PPP1R12B: variants seen among roughly 807,000 people sequenced by gnomAD.
PPP1R12B encodes protein phosphatase 1 regulatory subunit 12B.
A neutral mutation model predicts 126.1 loss-of-function variants in PPP1R12B; 76 were observed. The ratio of observed to expected loss-of-function variants is 0.60; its 90% CI spans 0.50 to 0.73. The LOEUF is 0.73. Ranked by LOEUF, PPP1R12B falls within the 30% of genes least tolerant of loss-of-function variation. PPP1R12B has a pLI of 0.00. For missense variants in PPP1R12B, 1,052 were observed against 1,205.1 expected (o/e 0.87, Z 1.88); for synonymous variants, 356 against 434.7 (o/e 0.82, Z 2.25).
intron 18 of PPP1R12B, among the ~76,000 whole-genome samples, chr1:202,523,528 A>G (rs1682996799): frequency 6.6e-6 from 1 of 152,314 alleles, no homozygotes; most frequent in Admixed American, 6.5e-5. Context: ...CAAAGGCCAT[A>G]TGGTGGGAAA....
chr1:202,365,945 G>A (rs1439273868), intron 1 of PPP1R12B, among the ~76,000 whole-genome samples: 3 of 151,980 alleles, frequency 2.0e-5, no homozygotes, highest in African/African-American at 4.8e-5. Context: ...AACTATGATT[G>A]CACCGCTGCA....
chr1:202,544,712 A>T (rs1685477224), intron 18 of PPP1R12B, among the ~76,000 whole-genome samples: 1 of 152,226 alleles, frequency 6.6e-6, no homozygotes, highest in African/African-American at 2.4e-5. Context: ...ATGTCAATTT[A>T]AAAAAATGAC....
chr1:202,414,084 C>T (rs565652080), intron 1 of PPP1R12B, among the ~76,000 whole-genome samples: 1 of 152,014 alleles, frequency 6.6e-6, no homozygotes, highest in Non-Finnish European at 1.5e-5. Flanking sequence ...ACCATACCTG[C>T]CTAGTTTTTG....
intron 8 of PPP1R12B, among the ~76,000 whole-genome samples, chr1:202,432,327 G>C (rs562856233): frequency 4.4e-4 from 66 of 151,670 alleles, no homozygotes; most frequent in African/African-American, 1.4e-3. Flanking sequence ...GGAGTGCAGT[G>C]GTGTGATCTC....
In PPP1R12B at chr1:202,348,972, G is replaced by C. The variant is rs1397603731; in HGVS notation, c.121G>C (p.Ala41Pro). 4 of 1,601,946 alleles carry C rather than the reference G, an allele frequency of 2.5e-6. No homozygotes were observed. The highest frequency in any genetic ancestry group is 1.1e-5 in the South Asian group (1 of 89,672). ...GCAGGAGCCTGCGGAGCGACGAGGC[G>C]CGGGGCGGCAGCCGCTGACCAGGCG... is the stretch of plus-strand genomic sequence containing the variant. The part of the protein sequence containing the change: ...TEQEPAERRG[A>P]GRQPLTRRGS... The change falls in exon 1 of 24, where the codon GCG becomes CCG. Residue 41 changes from alanine (A) to proline (P), a missense_variant. Coordinates refer to ENST00000608999, the MANE Select transcript of PPP1R12B (RefSeq NM_002481.4).
intron 1 of PPP1R12B, among the ~76,000 whole-genome samples, chr1:202,377,963 C>T (rs563161936): frequency 4.0e-4 from 60 of 150,552 alleles, no homozygotes; most frequent in African/African-American, 1.4e-3. Context: ...CTCAGCCTCC[C>T]GAGTAGCTGG....
intron 18 of PPP1R12B, among the ~76,000 whole-genome samples, chr1:202,544,508 A>T (rs566413414): frequency 1.3e-5 from 2 of 152,224 alleles, no homozygotes; most frequent in Non-Finnish European, 2.9e-5. Flanking sequence ...TCCAAATTGT[A>T]GTGCTTATCT....
chr1:202,559,420 GT>G (rs1488047725), intron 19 of PPP1R12B, among the ~76,000 whole-genome samples: 1 of 152,172 alleles, frequency 6.6e-6, no homozygotes, highest in African/African-American at 2.4e-5. Context: ...CTCCTTAGTA[GT>G]TTGTTGAATG....
rs1290788219 is a variant in PPP1R12B at position 202,446,236 on chromosome 1, C to CTA, written c.1668-2733_1668-2732dup. 2.3e-3 allele frequency among the ~76,000 whole-genome samples: 203 copies of CTA among 88,008 alleles called. 2 individuals are homozygous for CTA. Among genetic ancestry groups the CTA allele is most frequent in the East Asian group, 5.0e-3 (12 of 2,392 alleles). The allele number at this position is 88,008 out of a possible 152,430, so 57.7% of individuals were successfully genotyped here. A position where few individuals can be genotyped will look rare whatever the true frequency, so the allele number is the denominator to read the frequency against. Reference sequence around the variant, plus strand: ...TTACTCTCTCTCTCTCTCTCTCTCTCTATATATATATATATATATATTTTT... The same window carrying CTA: ...TTACTCTCTCTCTCTCTCTCTCTCTCTATATATATATATATATATATATTTTT... On this transcript the variant is annotated intron_variant, in intron 12 of 23. Coordinates refer to ENST00000608999, the MANE Select transcript of PPP1R12B (RefSeq NM_002481.4).
chr1:202,506,377 A>G lies in PPP1R12B; in HGVS notation c.2490+9555A>G, dbSNP rs183144243. 7.7e-4 allele frequency among the ~76,000 whole-genome samples: 118 copies of G among 152,316 alleles called. 1 individual carries two copies. Among genetic ancestry groups the G allele is most frequent in the African/African-American group, 2.6e-3 (107 of 41,574 alleles). On this transcript the variant is annotated intron_variant, in intron 18 of 23. Coordinates refer to ENST00000608999, the MANE Select transcript of PPP1R12B (RefSeq NM_002481.4). ...TTGGCATCTTCCTTTTATGGACTCT[A>G]TTAATTTTAGGTCGTGCTGTTGCCC...
At chr1:202,569,344 C>G (rs147269496) in intron 23 of PPP1R12B, 147 bp downstream of exon 23, 85 of 805,172 alleles carry the variant, frequency 1.1e-4, no homozygotes, top group South Asian at 1.0e-3. Flanking sequence ...GTGAGCATCT[C>G]TCCTCAGCCA....
Position 202,518,884 on chromosome 1 carries a change from C to T in PPP1R12B, c.2490+22062C>T, listed in dbSNP as rs192793223. ...TTTTGACTGATTGGCTATTTCAGCTCTGGTGGAAGTATGCAATAGTGGATA... is the reference window on the plus strand; with the variant it reads ...TTTTGACTGATTGGCTATTTCAGCTTTGGTGGAAGTATGCAATAGTGGATA... On this transcript the variant is annotated intron_variant, in intron 18 of 23. Coordinates refer to ENST00000608999, the MANE Select transcript of PPP1R12B (RefSeq NM_002481.4). 9.4e-4 allele frequency among the ~76,000 whole-genome samples: 143 copies of T among 152,264 alleles called. 3 individuals are homozygous for T. The highest frequency in any genetic ancestry group is 7.4e-5 in the Non-Finnish European group (5 of 68,024).
At chr1:202,504,073 G>T (rs1680539779) in intron 18 of PPP1R12B, among the ~76,000 whole-genome samples, 1 of 151,960 alleles carries the variant, frequency 6.6e-6, no homozygotes, top group Non-Finnish European at 1.5e-5. Flanking sequence ...TTACATCTTT[G>T]AATAAATGTC....
At chr1:202,550,062 C>T (rs555877429) in intron 18 of PPP1R12B, among the ~76,000 whole-genome samples, 3 of 152,100 alleles carry the variant, frequency 2.0e-5, no homozygotes, top group Non-Finnish European at 4.4e-5. Context: ...ATATTGGTCA[C>T]TCCAAAATAT....
chr1:202,583,976 T>G lies in PPP1R12B; in HGVS notation c.*3416T>G, dbSNP rs1460586501. ...AGTAATGATTTGGCCATTCCAGAGA[T>G]TCTGGGGCTAAAGTTTGTTTTTCCA... On this transcript the variant is annotated 3_prime_UTR_variant, in exon 24 of 24. Coordinates refer to ENST00000608999, the MANE Select transcript of PPP1R12B (RefSeq NM_002481.4). The G allele has an allele frequency of 1.3e-5, 2 of 152,216 alleles. No homozygotes were observed. The highest frequency in any genetic ancestry group is 4.8e-5 in the African/African-American group (2 of 41,458). 9.4% of individuals were successfully genotyped at this position (152,216 alleles called of 1,614,324 possible). A position where few individuals can be genotyped will look rare whatever the true frequency, so the allele number is the denominator to read the frequency against.
rs956784267 is a variant in PPP1R12B at position 202,585,798 on chromosome 1, G to T, written c.*5238G>T. 4 of 152,204 alleles carry T rather than the reference G, an allele frequency of 2.6e-5. No individual in the cohort carries two copies. Among genetic ancestry groups the T allele is most frequent in the African/African-American group, 9.7e-5 (4 of 41,440 alleles). The allele number at this position is 152,204 out of a possible 1,614,324, so 9.4% of individuals were successfully genotyped here. A position where few individuals can be genotyped will look rare whatever the true frequency, so the allele number is the denominator to read the frequency against. On this transcript the variant is annotated 3_prime_UTR_variant, in exon 24 of 24. Transcript: ENST00000608999. ...AAGAATATTAAAGCCTGCAGAGGTG[G>T]AAATTGGAGCTCATGGAGAAATGGA...
intron 13 of PPP1R12B, chr1:202,471,749 TTTG>T (rs1675930096): frequency 3.0e-6 from 2 of 661,282 alleles, no homozygotes; most frequent in Admixed American, 3.5e-5. Context: ...TTTTGTTGAT[TTTG>T]TTGTTGTCAT....
Position 202,419,109 on chromosome 1 carries a change from C to CT in PPP1R12B, c.422+2198dup, listed in dbSNP as rs1168279770. On this transcript the variant is annotated intron_variant, in intron 2 of 23. Coordinates refer to ENST00000608999, the MANE Select transcript of PPP1R12B (RefSeq NM_002481.4). This position sits in a 1 kb window ranked among gnomAD's most constrained non-coding sequence, Gnocchi z 4.6. ...CATCAAAAGCAGGGAGCTTCAGAGG[C>CT]TTTTTTCCTCATTTTAAAATGAGTT... Among the ~76,000 whole-genome samples the CT allele has an allele frequency of 6.6e-6, 1 of 152,040 alleles. No homozygotes were observed. The highest frequency in any genetic ancestry group is 1.5e-5 in the Non-Finnish European group (1 of 68,000).
intron 10 of PPP1R12B, chr1:202,439,541 C>T (rs1671332343): frequency 6.6e-7 from 1 of 1,520,710 alleles, no homozygotes; most frequent in Non-Finnish European, 9.0e-7. Flanking sequence ...GTGTGGCGCT[C>T]TCTGTGGTCA....
Sources: allele counts gnomAD v4.1 joint callset (sites outside exome capture counted in the v4.1 genomes callset), GRCh38; gene constraint gnomAD v4.1.1; non-coding constraint Gnocchi (gnomAD v3.1); transcripts MANE v1.5; gene names NCBI Gene and HGNC (gene_info 2026-07-23, HGNC 2026-07-21).